ID4: variants seen among roughly 807,000 people sequenced by gnomAD.
ID4 encodes DNA-binding protein inhibitor ID-4.
A neutral mutation model predicts 8.6 loss-of-function variants in ID4; 9 were observed. That is an observed-to-expected ratio of 1.04 (90% CI 0.63 to 1.82). The LOEUF (loss-of-function observed/expected upper bound fraction) is 1.82. Among genes scored for constraint, ID4 ranks in the 40% most tolerant of loss-of-function variants. The pLI is 0.00. For synonymous variants in ID4, 180 were observed against 118.0 expected, an observed-to-expected ratio of 1.53 and a Z score of -3.41; for missense variants, 270 against 235.1, an observed-to-expected ratio of 1.15 and a Z score of -0.97.
chr6:19,837,665 G>A lies in ID4; in HGVS notation c.-90G>A, dbSNP rs1761246503. ...CGCGCCGGGCGCGGAGGCAAAGGGA[G>A]CGGAGCCGGCCGCGGACGGGGCCCG... is the stretch of plus-strand genomic sequence containing the variant. On this transcript the variant is annotated 5_prime_UTR_variant, in exon 1 of 3. Transcript: ENST00000378700. 2.1e-6 allele frequency: 2 copies of A among 937,548 alleles called. No homozygotes were observed. Among genetic ancestry groups the A allele is most frequent in the Non-Finnish European group, 2.6e-6 (2 of 768,994 alleles). The allele number at this position is 937,548 out of a possible 1,614,324, so 58.1% of individuals were successfully genotyped here.
At position 19,838,587 on chromosome 6, in the gene ID4, GGC is replaced by G. The variant is rs757041814; in HGVS notation, c.449_450del (p.Ala150GlyfsTer29). 2 of 1,613,992 alleles carry G rather than the reference GGC, an allele frequency of 1.2e-6. No homozygotes were observed. Among genetic ancestry groups the G allele is most frequent in the South Asian group, 2.2e-5 (2 of 91,086 alleles). The part of the protein sequence containing the change: ...PLTALNTDPA[G>X]AVNKQGDSIL... ...TGGTGTTCGGTTGCTGTTCCAGGCCGGCGCGGTGAACAAGCAGGGCGACAGCA... is the reference window on the plus strand; with the variant it reads ...TGGTGTTCGGTTGCTGTTCCAGGCCGGCGGTGAACAAGCAGGGCGACAGCA... On this transcript the variant is annotated frameshift_variant, in exon 2 of 3. Coordinates refer to ENST00000378700, the MANE Select transcript of ID4 (RefSeq NM_001546.4). LOFTEE classifies it high-confidence loss of function.
rs1282704610 is a variant in ID4, at chr6:19,838,082, A to G, written c.328A>G (p.Thr110Ala). 6.2e-7 allele frequency: 1 copy of G among 1,605,076 alleles called. No homozygotes were observed. Among genetic ancestry groups the G allele is most frequent in the Non-Finnish European group, 8.5e-7 (1 of 1,176,016 alleles). The change falls in exon 1 of 3, where the codon ACG becomes GCG. Residue 110 changes from threonine (T) to alanine (A), a missense_variant. By Grantham distance (58) the Thr-to-Ala change is moderately conservative. Coordinates refer to ENST00000378700, the MANE Select transcript of ID4 (RefSeq NM_001546.4). ...CCTGGACCTGCAGCTGGCGCTGGAGACGCACCCGGCCCTGCTGAGGCAGCC... is the reference window on the plus strand; with the variant it reads ...CCTGGACCTGCAGCTGGCGCTGGAGGCGCACCCGGCCCTGCTGAGGCAGCC... ...YILDLQLALETHPALLRQPPP... is the reference protein window; with the variant it reads ...YILDLQLALEAHPALLRQPPP...
rs1303720378 is a variant in ID4, at chr6:19,838,655, T to G, written c.*14+13T>G. 6.2e-7 allele frequency: 1 copy of G among 1,610,796 alleles called. No homozygotes were observed. Among genetic ancestry groups the G allele is most frequent in the East Asian group, 2.2e-5 (1 of 44,598 alleles). ...CCGCGCTGTCCAGGTGAGCGCGCAT[T>G]TCCCGTCTCGGGTGGCCGGTCACCA... is the stretch of plus-strand genomic sequence containing the variant. On this transcript the variant is annotated intron_variant, in intron 2 of 2. Transcript: ENST00000378700.
chr6:19,838,496 G>C (rs981136009), intron 1 of ID4, 88 bp from the exon 2 acceptor site: 1 of 1,567,404 alleles, frequency 6.4e-7, no homozygotes, highest in Non-Finnish European at 8.8e-7. Context: ...CGGCGCGCCA[G>C]CCTGATTTCC....
In ID4 at chr6:19,837,965, T is replaced by G; in HGVS notation, c.211T>G (p.Cys71Gly). 2 of 1,570,922 alleles carry G rather than the reference T, an allele frequency of 1.3e-6. No homozygotes were observed. Among genetic ancestry groups the G allele is most frequent in the Non-Finnish European group, 1.7e-6 (2 of 1,159,162 alleles). Residue 71 changes from cysteine (C) to glycine (G), a missense_variant, in exon 1 of 3, where the codon TGC becomes GGC. Physicochemically the swap from Cys to Gly is radical, Grantham distance 159 (BLOSUM62 -3). Around this residue, in one of 3 missense-constraint regions of ID4, gnomAD observed 160 missense variants for 131.5 expected, o/e 1.22. Transcript: ENST00000378700. ...ALCLQCDMNDCYSRLRRLVPT... is the reference protein window; with the variant it reads ...ALCLQCDMNDGYSRLRRLVPT... ...GTGCCTGCAGTGCGATATGAACGAC[T>G]GCTATAGCCGCCTGCGGAGGCTGGT...
At chr6:19,838,448 G>C in intron 1 of ID4, 136 bp from the exon 2 acceptor site, 1 of 1,252,180 alleles carries the variant, frequency 8.0e-7, no homozygotes, top group Non-Finnish European at 1.1e-6. Flanking sequence ...GCCTGAGCCC[G>C]GAGGGGCCCC....
At position 19,839,397 on chromosome 6, in the gene ID4, A is replaced by G. The variant is rs1761309340; in HGVS notation, c.*202A>G. ...TCATTCTTTCTTTGCACGTTCATAA[A>G]CATTCTACATACGTATTCTCTTTTG... On this transcript the variant is annotated 3_prime_UTR_variant, in exon 3 of 3. Coordinates refer to ENST00000378700, the MANE Select transcript of ID4 (RefSeq NM_001546.4). The G allele has an allele frequency of 6.6e-6, 1 of 152,644 alleles. No individual in the cohort carries two copies. 9.5% of individuals were successfully genotyped at this position (152,644 alleles called of 1,614,324 possible).
rs955687839 is a variant in ID4, at chr6:19,839,672, T to G, written c.*477T>G. ...ATGATTATAACGGGGCAGAGAACTT[T>G]CTTTTCTCTGCAAGAATGTTACATA... On this transcript the variant is annotated 3_prime_UTR_variant, in exon 3 of 3. Transcript: ENST00000378700. 6.6e-6 allele frequency: 1 copy of G among 152,612 alleles called. No individual in the cohort carries two copies. The highest frequency in any genetic ancestry group is 1.5e-5 in the Non-Finnish European group (1 of 68,032). The allele number at this position is 152,612 out of a possible 1,614,324, so 9.5% of individuals were successfully genotyped here.
chr6:19,838,875 C>G, intron 2 of ID4: 1 of 561,194 alleles, frequency 1.8e-6, no homozygotes, highest in Middle Eastern at 4.7e-4. Context: ...CCCGCCGTCC[C>G]CGTGTTTTTT....
At chr6:19,838,546 C>T (rs771739776) in intron 1 of ID4, 38 bp from the exon 2 acceptor site, 163 of 1,613,866 alleles carry the variant, frequency 1.0e-4, no homozygotes, top group Middle Eastern at 4.9e-4. Context: ...TTGTTTGCGC[C>T]TGCTAACCTT....
In ID4 at chr6:19,837,486, GAC is replaced by G. The variant is rs1761240731; in HGVS notation, c.-266_-265del. 6.0e-6 allele frequency: 1 copy of G among 167,446 alleles called. No homozygotes were observed. Among genetic ancestry groups the G allele is most frequent in the Non-Finnish European group, 1.3e-5 (1 of 78,936 alleles). 10.4% of individuals were successfully genotyped at this position (167,446 alleles called of 1,614,324 possible). ...TCGGAGCTCCGAAGGGAGTGACTAG[GAC>G]ACCCGGGTGGGCTACTTTTCTTCCG... On this transcript the variant is annotated 5_prime_UTR_variant, in exon 1 of 3. Coordinates refer to ENST00000378700, the MANE Select transcript of ID4 (RefSeq NM_001546.4).
At position 19,837,614 on chromosome 6, in the gene ID4, G is replaced by C. The variant is rs1554139366; in HGVS notation, c.-141G>C. ...GAGCGACCCTCCCGTCAATTGTTGG[G>C]CTCGGGAGTGTCGCGGTGCCCCGAG... On this transcript the variant is annotated 5_prime_UTR_variant, in exon 1 of 3. Coordinates refer to ENST00000378700, the MANE Select transcript of ID4 (RefSeq NM_001546.4). 2.5e-6 allele frequency: 1 copy of C among 405,242 alleles called. No individual in the cohort carries two copies. The highest frequency in any genetic ancestry group is 3.5e-6 in the Non-Finnish European group (1 of 282,210). The allele number at this position is 405,242 out of a possible 1,614,324, so 25.1% of individuals were successfully genotyped here. A position where few individuals can be genotyped will look rare whatever the true frequency, so the allele number is the denominator to read the frequency against.
chr6:19,837,607 T>G lies in ID4; in HGVS notation c.-148T>G. Reference sequence around the variant, plus strand: ...AAACCCAGAGCGACCCTCCCGTCAATTGTTGGGCTCGGGAGTGTCGCGGTG... The same window carrying G: ...AAACCCAGAGCGACCCTCCCGTCAAGTGTTGGGCTCGGGAGTGTCGCGGTG... On this transcript the variant is annotated 5_prime_UTR_variant, in exon 1 of 3. Coordinates refer to ENST00000378700, the MANE Select transcript of ID4 (RefSeq NM_001546.4). 12 of 350,634 alleles carry G rather than the reference T, an allele frequency of 3.4e-5. No individual in the cohort carries two copies. The highest frequency in any genetic ancestry group is 5.1e-5 in the Non-Finnish European group (12 of 233,282). The allele number at this position is 350,634 out of a possible 1,614,324, so 21.7% of individuals were successfully genotyped here. A position where few individuals can be genotyped will look rare whatever the true frequency, so the allele number is the denominator to read the frequency against.
In ID4 at chr6:19,838,659, C is replaced by T. The variant is rs562668893; in HGVS notation, c.*14+17C>T. The T allele has an allele frequency of 1.9e-6, 3 of 1,610,324 alleles. No individual in the cohort carries two copies. The highest frequency in any genetic ancestry group is 2.2e-5 in the East Asian group (1 of 44,630). On this transcript the variant is annotated intron_variant, in intron 2 of 2. Coordinates refer to ENST00000378700, the MANE Select transcript of ID4 (RefSeq NM_001546.4). ...GCTGTCCAGGTGAGCGCGCATTTCC[C>T]GTCTCGGGTGGCCGGTCACCAGAGA... is the stretch of plus-strand genomic sequence containing the variant.
chr6:19,839,081 G>C (rs1209431476), intron 2 of ID4, 129 bp from the exon 3 acceptor site: 6 of 211,718 alleles, frequency 2.8e-5, no homozygotes, highest in Non-Finnish European at 5.7e-5. Context: ...CCGGCCGCGG[G>C]CGGGTGTTGT....
Position 19,837,973 on chromosome 6 carries a change from C to G in ID4, c.219C>G (p.Ser73Arg). Residue 73 changes from serine (S) to arginine (R), a missense_variant, in exon 1 of 3, where the codon AGC becomes AGG. By Grantham distance (110) the Ser-to-Arg change is moderately radical. Around this residue, in one of 3 missense-constraint regions of ID4, gnomAD observed 160 missense variants for 131.5 expected, o/e 1.22. Coordinates refer to ENST00000378700, the MANE Select transcript of ID4 (RefSeq NM_001546.4). ...AGTGCGATATGAACGACTGCTATAG[C>G]CGCCTGCGGAGGCTGGTGCCCACCA... ...CLQCDMNDCY[S>R]RLRRLVPTIP... 6.3e-7 allele frequency: 1 copy of G among 1,585,922 alleles called. No homozygotes were observed. Among genetic ancestry groups the G allele is most frequent in the Non-Finnish European group, 8.6e-7 (1 of 1,166,676 alleles).
chr6:19,839,663 A>G lies in ID4; in HGVS notation c.*468A>G, dbSNP rs1469895512. ...TTAAAATAGATGATTATAACGGGGC[A>G]GAGAACTTTCTTTTCTCTGCAAGAA... is the stretch of plus-strand genomic sequence containing the variant. On this transcript the variant is annotated 3_prime_UTR_variant, in exon 3 of 3. Coordinates refer to ENST00000378700, the MANE Select transcript of ID4 (RefSeq NM_001546.4). 1 of 152,622 alleles carries G rather than the reference A, an allele frequency of 6.6e-6. No individual in the cohort carries two copies. The highest frequency in any genetic ancestry group is 2.4e-5 in the African/African-American group (1 of 41,452). 9.5% of individuals were successfully genotyped at this position (152,622 alleles called of 1,614,324 possible). A position where few individuals can be genotyped will look rare whatever the true frequency, so the allele number is the denominator to read the frequency against.
In ID4 at chr6:19,837,811, C is replaced by G; in HGVS notation, c.57C>G (p.Gly19=). ...GCCGCAAGGCGCCGTCGGGCTGCGG[C>G]GGCGGGGAGCTGGCGCTGCGCTGCC... ...PSGRKAPSGC[G]GGELALRCLA... is the part of the protein sequence containing the mutation. The change falls in exon 1 of 3, where the codon GGC becomes GGG. Residue 19 remains glycine, a synonymous_variant. Transcript: ENST00000378700. 8.8e-7 allele frequency: 1 copy of G among 1,134,802 alleles called. No homozygotes were observed. The highest frequency in any genetic ancestry group is 4.5e-5 in the East Asian group (1 of 22,068). 70.3% of individuals were successfully genotyped at this position (1,134,802 alleles called of 1,614,324 possible). A position where few individuals can be genotyped will look rare whatever the true frequency, so the allele number is the denominator to read the frequency against.
rs760861421 is a variant in ID4, at chr6:19,838,143, C to T, written c.389C>T (p.Thr130Ile). 1.9e-6 allele frequency: 3 copies of T among 1,553,924 alleles called. No homozygotes were observed. Among genetic ancestry groups the T allele is most frequent in the Non-Finnish European group, 2.6e-6 (3 of 1,150,284 alleles). Residue 130 changes from threonine (T) to isoleucine (I), a missense_variant, in exon 1 of 3, where the codon ACC becomes ATC. Around this residue, in one of 3 missense-constraint regions of ID4, gnomAD observed 107 missense variants for 81.0 expected, o/e 1.32. Coordinates refer to ENST00000378700, the MANE Select transcript of ID4 (RefSeq NM_001546.4). ...GCGCCGCCACACCACCCGGCCGGGA[C>T]CTGTCCAGCCGCGCCGCCGCGGACC... ...PPAPPHHPAG[T>I]CPAAPPRTPL...
Sources: allele counts gnomAD v4.1 joint callset, GRCh38; gene constraint gnomAD v4.1.1; regional missense constraint gnomAD v4.1.1; transcripts MANE v1.5; gene names NCBI Gene and HGNC (gene_info 2026-07-23, HGNC 2026-07-21).